RRM2: variants seen among roughly 807,000 people sequenced by gnomAD.
RRM2 encodes the protein ribonucleoside-diphosphate reductase subunit M2.
Under a neutral mutation model 45.9 loss-of-function variants are expected in RRM2, and 6 were observed. The ratio of observed to expected loss-of-function variants is 0.13; its 90% CI spans 0.07 to 0.26. RRM2 has a LOEUF of 0.26. Ranked by LOEUF, RRM2 falls within the 10% of genes least tolerant of loss-of-function variation. The pLI is 1.00. For synonymous variants in RRM2, 177 were observed against 173.0 expected, an observed-to-expected ratio of 1.02 and a Z score of -0.18; for missense variants, 343 against 489.5, an observed-to-expected ratio of 0.70 and a Z score of 2.82.
chr2:10,190,365 T>C (rs1355648392), intron 3 of RRM2, among the ~76,000 whole-genome samples: 1 of 121,816 alleles, frequency 8.2e-6, no homozygotes, highest in Non-Finnish European at 1.6e-5. Context: ...TTGGTGGTGA[T>C]GAGTGTGATG....
chr2:10,164,068 G>A (rs925979888), intron 3 of RRM2, among the ~76,000 whole-genome samples: 9 of 152,084 alleles, frequency 5.9e-5, no homozygotes, highest in Middle Eastern at 6.8e-3. Flanking sequence ...ATGAGTGAAC[G>A]TGTGTGTGAG....
intron 3 of RRM2, among the ~76,000 whole-genome samples, chr2:10,142,692 C>T (rs866604968): frequency 1.3e-5 from 2 of 152,276 alleles, no homozygotes. Flanking sequence ...CACCTTCACC[C>T]TCCGCCAGTC....
chr2:10,187,652 C>T (rs560785812), intron 3 of RRM2, among the ~76,000 whole-genome samples: 13 of 152,086 alleles, frequency 8.5e-5, no homozygotes, highest in South Asian at 2.1e-4. Context: ...TACTCTGAGC[C>T]CAGCCTTCCT....
In RRM2 at chr2:10,162,529, G is replaced by A. The variant is rs111749306; in HGVS notation, n.482+20154G>A. Among the ~76,000 whole-genome samples, 46 of 152,026 alleles carry A rather than the reference G, an allele frequency of 3.0e-4. 1 individual carries two copies. The highest frequency in any genetic ancestry group is 1.1e-3 in the African/African-American group (44 of 41,470). On this transcript the variant is annotated intron_variant and non_coding_transcript_variant, in intron 3 of 3. Coordinates refer to the RRM2 transcript ENST00000381786. Reference sequence around the variant, plus strand: ...AAAAGTGCCGGCCACACTCTCCTTGGCCTGTCAACAGCGATGCACCCGCTG... The same window carrying A: ...AAAAGTGCCGGCCACACTCTCCTTGACCTGTCAACAGCGATGCACCCGCTG...
chr2:10,207,423 C>T lies in RRM2; in HGVS notation n.483-2888C>T, dbSNP rs112531890. On this transcript the variant is annotated intron_variant and non_coding_transcript_variant, in intron 3 of 3. Transcript: ENST00000381786. ...TGAATGGCAATCTGATAGTCTCCCCCCTGTTTAAAACATGAAATGGTATCC... is the reference window on the plus strand; with the variant it reads ...TGAATGGCAATCTGATAGTCTCCCCTCTGTTTAAAACATGAAATGGTATCC... Among the ~76,000 whole-genome samples, 518 of 152,228 alleles carry T rather than the reference C, an allele frequency of 3.4e-3. 6 individuals carry two copies. The highest frequency in any genetic ancestry group is 0.012 in the African/African-American group (494 of 41,522).
chr2:10,143,225 G>C (rs1376449935), intron 3 of RRM2, among the ~76,000 whole-genome samples: 1 of 152,118 alleles, frequency 6.6e-6, no homozygotes, highest in Non-Finnish European at 1.5e-5. Context: ...CTTCACACAG[G>C]CTGTTCCCTT....
chr2:10,145,319 G>A (rs548926565), intron 3 of RRM2, among the ~76,000 whole-genome samples: 101 of 152,260 alleles, frequency 6.6e-4, no homozygotes, highest in Middle Eastern at 3.4e-3. Context: ...TTAGAGCCAC[G>A]TCATTCAAAC....
At chr2:10,150,877 G>A (rs1663297471) in intron 3 of RRM2, among the ~76,000 whole-genome samples, 1 of 150,356 alleles carries the variant, frequency 6.7e-6, no homozygotes, top group Admixed American at 6.7e-5. Context: ...GCAATGGCGC[G>A]ATCTCGGCTC....
chr2:10,172,085 C>T lies in RRM2; in HGVS notation n.482+29710C>T, dbSNP rs542926082. Among the ~76,000 whole-genome samples the T allele has an allele frequency of 5.9e-5, 9 of 152,306 alleles. No homozygotes were observed. The East Asian group carries it at 9.6e-4, about 16-fold the overall frequency. On this transcript the variant is annotated intron_variant and non_coding_transcript_variant, in intron 3 of 3. Transcript: ENST00000381786. The surrounding 1 kb of genome is among the most constrained non-coding windows in gnomAD (Gnocchi z 4.9). ...GTCTGCGTGCATTTGAGCATGAGTG[C>T]ATTAACAGGGGGAACGTCTGTGTTT...
At position 10,204,719 on chromosome 2, in the gene RRM2, G is replaced by T. The variant is rs540713790; in HGVS notation, n.483-5592G>T. Among the ~76,000 whole-genome samples the T allele has an allele frequency of 1.3e-5, 2 of 152,230 alleles. No homozygotes were observed. The highest frequency in any genetic ancestry group is 2.4e-5 in the African/African-American group (1 of 41,448). On this transcript the variant is annotated intron_variant and non_coding_transcript_variant, in intron 3 of 3. Coordinates refer to the RRM2 transcript ENST00000381786. The surrounding 1 kb of genome is among the most constrained non-coding windows in gnomAD (Gnocchi z 4.0). ...CTAATTTGTTTAATTACTCATTGCC[G>T]CATCTGTTCTCAATTGCCCTATGCA... is the stretch of plus-strand genomic sequence containing the variant.
At position 10,174,874 on chromosome 2, in the gene RRM2, A is replaced by AAG. The variant is rs1359447593; in HGVS notation, n.482+32500_482+32501insGA. ...AGAGTGAGACTCAAAAATGGTTAAA[A>AAG]AAAAAAAAAGAAAAAATGTTGATAG... On this transcript the variant is annotated intron_variant and non_coding_transcript_variant, in intron 3 of 3. Transcript: ENST00000381786. 2.0e-5 allele frequency among the ~76,000 whole-genome samples: 3 copies of AAG among 151,898 alleles called. No individual in the cohort carries two copies. The East Asian group carries it at 5.8e-4, about 29-fold the overall frequency.
intron 3 of RRM2, among the ~76,000 whole-genome samples, chr2:10,182,369 A>ACAAAC (rs1340555826): frequency 6.1e-5 from 9 of 147,810 alleles, no homozygotes; most frequent in African/African-American, 1.0e-4. Flanking sequence ...AAACAAACAA[A>ACAAAC]AAAAAACCCA....
At chr2:10,152,317 G>A (rs145895672) in intron 3 of RRM2, among the ~76,000 whole-genome samples, 16 of 152,120 alleles carry the variant, frequency 1.1e-4, no homozygotes, top group African/African-American at 2.9e-4. Flanking sequence ...CTAGTTACAC[G>A]TCTTTTATCA....
rs754200493 is a variant in RRM2, at chr2:10,123,021, G to T, written c.138G>T (p.Lys46Asn). ...GCGGGACCCGCGTCCTGGCCAGCAAGACCGCGAGGAGGATCTTCCAGGAGC... is the reference window on the plus strand; with the variant it reads ...GCGGGACCCGCGTCCTGGCCAGCAATACCGCGAGGAGGATCTTCCAGGAGC... The part of the protein sequence containing the change: ...ALSGTRVLAS[K>N]TARRIFQEPT... Residue 46 changes from lysine to asparagine, a missense_variant, in exon 2 of 10, where the codon AAG becomes AAT. By Grantham distance (94) the Lys-to-Asn change is moderately conservative. Coordinates refer to ENST00000304567, the MANE Select transcript of RRM2 (RefSeq NM_001034.4). 5 of 1,566,902 alleles carry T rather than the reference G, an allele frequency of 3.2e-6. No homozygotes were observed. The South Asian group carries it at 4.6e-5, about 14-fold the overall frequency.
intron 2 of RRM2, chr2:10,142,223 C>A: frequency 6.5e-7 from 1 of 1,537,514 alleles, no homozygotes. Context: ...GGTCTGCAGA[C>A]CCAGGTAAAG....
intron 5 of RRM2, 125 bp from the exon 6 acceptor site, chr2:10,126,750 C>G (rs1662786975): frequency 4.2e-6 from 3 of 718,336 alleles, no homozygotes; most frequent in Admixed American, 5.0e-5. Context: ...GTGAGTTCTT[C>G]CTTTAGGAAG....
Position 10,129,011 on chromosome 2 carries a change from T to C in RRM2, c.904-30T>C, listed in dbSNP as rs779529354. On this transcript the variant is annotated intron_variant, in intron 8 of 9. Transcript: ENST00000304567. This position sits in a 1 kb window ranked among gnomAD's most constrained non-coding sequence, Gnocchi z 4.8. ...TGCTAGAAAATGCCTGTGCTTTAGT[T>C]GTATTCAGAAGCTGTATTTTGGTTC... 42 of 1,610,840 alleles carry C rather than the reference T, an allele frequency of 2.6e-5. No homozygotes were observed. In the South Asian group the frequency reaches 4.6e-4, roughly 18 times the overall value.
chr2:10,153,192 T>C lies in RRM2; in HGVS notation n.482+10817T>C, dbSNP rs142837616. Among the ~76,000 whole-genome samples, 206 of 151,618 alleles carry C rather than the reference T, an allele frequency of 1.4e-3. 2 individuals carry two copies. Among genetic ancestry groups the C allele is most frequent in the South Asian group, 5.2e-3 (25 of 4,772 alleles). On this transcript the variant is annotated intron_variant and non_coding_transcript_variant, in intron 3 of 3. Transcript: ENST00000381786. ...ACCAAAAATACAAAAATCAGCTGAGTGTGTGCTGGCGCGCACCTGTAGTCC... is the reference window on the plus strand; with the variant it reads ...ACCAAAAATACAAAAATCAGCTGAGCGTGTGCTGGCGCGCACCTGTAGTCC...
At chr2:10,173,598 G>A (rs762369789) in intron 3 of RRM2, among the ~76,000 whole-genome samples, 8 of 152,260 alleles carry the variant, frequency 5.3e-5, no homozygotes, top group Non-Finnish European at 1.2e-4. Context: ...GAGCTTGGGA[G>A]CCTCACCTGG....
Sources: allele counts gnomAD v4.1 joint callset (sites outside exome capture counted in the v4.1 genomes callset), GRCh38; gene constraint gnomAD v4.1.1; non-coding constraint Gnocchi (gnomAD v3.1); transcripts MANE v1.5; gene names NCBI Gene and HGNC (gene_info 2026-07-23, HGNC 2026-07-21).